TUBGCP6: variants seen among roughly 807,000 people sequenced by gnomAD.
TUBGCP6 encodes the protein gamma-tubulin complex component 6.
A neutral mutation model predicts 175.8 loss-of-function variants in TUBGCP6; 161 were observed. The observed-to-expected ratio is 0.92, with a 90% CI of 0.81 to 1.04. The LOEUF is 1.04. Ranked by LOEUF, TUBGCP6 falls within the 50% of genes least tolerant of loss-of-function variation. The pLI, the probability that TUBGCP6 is intolerant of heterozygous loss-of-function variation, is 0.00. For missense variants in TUBGCP6, 2,572 were observed against 2,433.0 expected (o/e 1.06, Z -1.20); for synonymous variants, 1,173 against 1,030.5 (o/e 1.14, Z -2.65).
intron 2 of TUBGCP6, among the ~76,000 whole-genome samples, chr22:50,239,674 C>T (rs1445580487): frequency 2.0e-5 from 3 of 152,208 alleles, no homozygotes; most frequent in Non-Finnish European, 4.4e-5. Flanking sequence ...ACCCAGACTG[C>T]CCCTCCCAAC....
chr22:50,218,227 C>T lies in TUBGCP6; in HGVS notation c.5130G>A (p.Gln1710=). The T allele has an allele frequency of 6.2e-7, 1 of 1,612,842 alleles. No homozygotes were observed. Among genetic ancestry groups the T allele is most frequent in the Non-Finnish European group, 8.5e-7 (1 of 1,179,906 alleles). ...TGTGCAGGTACTCTGCGTGCGCACG[C>T]TGGATCTCCTCCAGGTCGCCCACGG... The part of the protein sequence containing the change: ...LATVGDLEEI[Q]RAHAEYLHKA... Residue 1710 remains glutamine, a synonymous_variant, in exon 23 of 25, where the codon CAG becomes CAA. Coordinates refer to ENST00000248846, the MANE Select transcript of TUBGCP6 (RefSeq NM_020461.4).
Position 50,226,050 on chromosome 22 carries a change from C to G in TUBGCP6, c.1833G>C (p.Arg611=), listed in dbSNP as rs772455928. The stretch of plus-strand genomic sequence containing the variant: ...TCCCCACACATGAGCCCCTCCTCAC[C>G]CGGGGGCAGCAGAGCTTCAGCAGGT... The part of the protein sequence containing the change: ...TINLLKLCCP[R]HYLCWSDVPV... The change falls in exon 9 of 25, where the codon CGG becomes CGC. Residue 611 remains arginine, a splice_region_variant and synonymous_variant. Coordinates refer to ENST00000248846, the MANE Select transcript of TUBGCP6 (RefSeq NM_020461.4). 6.2e-7 allele frequency: 1 copy of G among 1,614,124 alleles called. No homozygotes were observed. Among genetic ancestry groups the G allele is most frequent in the Non-Finnish European group, 8.5e-7 (1 of 1,180,016 alleles).
chr22:50,239,756 G>A (rs761993119), intron 2 of TUBGCP6, among the ~76,000 whole-genome samples: 2 of 152,152 alleles, frequency 1.3e-5, no homozygotes, highest in Non-Finnish European at 2.9e-5. Context: ...AATGGAAAAG[G>A]CTCCTTCATC....
Position 50,226,285 on chromosome 22 carries a change from A to T in TUBGCP6, c.1693+2T>A. 1 of 1,613,856 alleles carries T rather than the reference A, an allele frequency of 6.2e-7. No individual in the cohort carries two copies. Among genetic ancestry groups the T allele is most frequent in the Non-Finnish European group, 8.5e-7 (1 of 1,179,958 alleles). Reference sequence around the variant, plus strand: ...CCTGCCCCGCAATCAGCTGCCACCTACCTCGGAAGCTGAGGTACTCGTGGT... The same window carrying T: ...CCTGCCCCGCAATCAGCTGCCACCTTCCTCGGAAGCTGAGGTACTCGTGGT... On this transcript the variant is annotated splice_donor_variant, in intron 8 of 24. Transcript: ENST00000248846. LOFTEE classifies it high-confidence loss of function.
chr22:50,221,753 AGGGGCTGT>A lies in TUBGCP6; in HGVS notation c.2598_2605del (p.Gln867Ter). On this transcript the variant is annotated frameshift_variant, in exon 16 of 25. Coordinates refer to ENST00000248846, the MANE Select transcript of TUBGCP6 (RefSeq NM_020461.4). LOFTEE classifies it high-confidence loss of function. Reference sequence around the variant, plus strand: ...ACCAGCCCCCACTGCTAGAGGCTTAAGGGGCTGTGGGGTCAGCAGGCCTGGCCTGTTCC... The same window carrying A: ...ACCAGCCCCCACTGCTAGAGGCTTAAGGGGTCAGCAGGCCTGGCCTGTTCC... The A allele has an allele frequency of 6.6e-7, 1 of 1,516,036 alleles. No homozygotes were observed. Among genetic ancestry groups the A allele is most frequent in the Non-Finnish European group, 8.8e-7 (1 of 1,133,112 alleles). The allele number at this position is 1,516,036 out of a possible 1,614,324, so 93.9% of individuals were successfully genotyped here.
chr22:50,226,238 C>G, intron 8 of TUBGCP6, 49 bp from the exon 9 acceptor site: 2 of 1,614,006 alleles, frequency 1.2e-6, no homozygotes, highest in Non-Finnish European at 1.7e-6. Flanking sequence ...TGGCCCTGAA[C>G]CCAGGCCCAC....
At chr22:50,238,773 G>A (rs138212214) in intron 2 of TUBGCP6, among the ~76,000 whole-genome samples, 1,826 of 152,146 alleles carry the variant, frequency 0.012, 33 homozygotes, top group African/African-American at 0.041. Context: ...TCCTGACCTC[G>A]TGATCCACCC....
Position 50,223,861 on chromosome 22 carries a change from G to C in TUBGCP6, c.2270+280C>G, listed in dbSNP as rs146869052. The C allele has an allele frequency of 4.3e-3, 1,277 of 299,984 alleles. 15 individuals are homozygous for C. Among genetic ancestry groups the C allele is most frequent in the African/African-American group, 0.026 (1,198 of 45,962 alleles). The allele number at this position is 299,984 out of a possible 1,614,324, so 18.6% of individuals were successfully genotyped here. Reference sequence around the variant, plus strand: ...AAAAATAAATAAGGAAGGATGTTCAGAAAGAAGATAAATAAAGAGACAGGA... The same window carrying C: ...AAAAATAAATAAGGAAGGATGTTCACAAAGAAGATAAATAAAGAGACAGGA... On this transcript the variant is annotated intron_variant, in intron 13 of 24. Coordinates refer to ENST00000248846, the MANE Select transcript of TUBGCP6 (RefSeq NM_020461.4).
Position 50,244,332 on chromosome 22 carries a change from T to A in TUBGCP6, c.128A>T (p.Asn43Ile), listed in dbSNP as rs371868625. The A allele has an allele frequency of 4.3e-6, 7 of 1,613,434 alleles. No individual in the cohort carries two copies. The South Asian group carries it at 7.7e-5, about 18-fold the overall frequency. Residue 43 changes from asparagine (N) to isoleucine (I), a missense_variant, in exon 1 of 25, where the codon AAT becomes ATT. Transcript: ENST00000248846. The stretch of plus-strand genomic sequence containing the variant: ...TTGAAAAAGATTTGTGAAAAGAGCA[T>A]TGTAGGCCACCTTCTTGAGGCTCCG... ...AKRSLKKVAY[N>I]ALFTNLFQDE...
chr22:50,221,368 G>A lies in TUBGCP6; in HGVS notation c.2991C>T (p.Ser997=), dbSNP rs143388326. The part of the protein sequence containing the change: ...DSCGKMDACG[S]ASRETLLPSH... ...AGGGGAGCAGAGTCTCCCGCGAGGC[G>A]GAGCCACAGGCATCCATCTTCCCAC... The change falls in exon 16 of 25, where the codon TCC becomes TCT. Residue 997 remains serine (S), a synonymous_variant. Coordinates refer to ENST00000248846, the MANE Select transcript of TUBGCP6 (RefSeq NM_020461.4). 3,990 of 1,610,560 alleles carry A rather than the reference G, an allele frequency of 2.5e-3. 8 individuals are homozygous for A. The highest frequency in any genetic ancestry group is 3.2e-3 in the Non-Finnish European group (3,794 of 1,179,794).
At position 50,219,079 on chromosome 22, in the gene TUBGCP6, G is replaced by GCAGGTCGCTGAGGGACTGGGC; in HGVS notation, c.4594_4614dup (p.Ala1532_Leu1538dup). ...TGTCCGGAGGCCACCTTCTCAAAGA[G>GCAGGTCGCTGAGGGACTGGGC]CAGGTCGCTGAGGGACTGGGCGAAC... is the stretch of plus-strand genomic sequence containing the variant. On this transcript the variant is annotated inframe_insertion, in exon 20 of 25. Transcript: ENST00000248846. 6.2e-7 allele frequency: 1 copy of GCAGGTCGCTGAGGGACTGGGC among 1,612,390 alleles called. No individual in the cohort carries two copies. Among genetic ancestry groups the GCAGGTCGCTGAGGGACTGGGC allele is most frequent in the South Asian group, 1.1e-5 (1 of 91,002 alleles).
At position 50,219,410 on chromosome 22, in the gene TUBGCP6, G is replaced by C; in HGVS notation, c.4362C>G (p.Ala1454=). The C allele has an allele frequency of 1.3e-6, 2 of 1,571,268 alleles. No individual in the cohort carries two copies. The highest frequency in any genetic ancestry group is 1.7e-6 in the Non-Finnish European group (2 of 1,159,042). The part of the protein sequence containing the change: ...AHLLRPVLPR[A]FAFPVDPQVQ... ...CCTGGGGGTCCACGGGGAAGGCGAAGGCCCGGGGAAGCACGGGGCGCAAAA... is the reference window on the plus strand; with the variant it reads ...CCTGGGGGTCCACGGGGAAGGCGAACGCCCGGGGAAGCACGGGGCGCAAAA... Residue 1454 remains alanine (A), a synonymous_variant, in exon 19 of 25, where the codon GCC becomes GCG. Coordinates refer to ENST00000248846, the MANE Select transcript of TUBGCP6 (RefSeq NM_020461.4).
At position 50,233,332 on chromosome 22, in the gene TUBGCP6, G is replaced by A. The variant is rs750083119; in HGVS notation, c.1100C>T (p.Thr367Met). ...AGTTCTCACCTGGCAGAGCGAAAACGTGGCAGACACGACCCCAATCAAGAC... is the reference window on the plus strand; with the variant it reads ...AGTTCTCACCTGGCAGAGCGAAAACATGGCAGACACGACCCCAATCAAGAC... Reference protein sequence around the residue: ...LNVLIGVVSATFSLCQPAQAF... With the variant: ...LNVLIGVVSAMFSLCQPAQAF... The change falls in exon 3 of 25, where the codon ACG (threonine) becomes ATG (methionine). Residue 367 changes from threonine (T) to methionine (M), a missense_variant. Physicochemically the swap from Thr to Met is moderately conservative, Grantham distance 81. Transcript: ENST00000248846. The A allele has an allele frequency of 1.3e-5, 21 of 1,613,418 alleles. No individual in the cohort carries two copies. In the Middle Eastern group the frequency reaches 4.9e-4, roughly 38 times the overall value.
chr22:50,238,782 C>A (rs922542371), intron 2 of TUBGCP6, among the ~76,000 whole-genome samples: 2 of 152,080 alleles, frequency 1.3e-5, no homozygotes, highest in Non-Finnish European at 2.9e-5. Flanking sequence ...CGTGATCCAC[C>A]CGCCTCAGCC....
rs370995678 is a variant in TUBGCP6 at position 50,229,562 on chromosome 22, C to T, written c.1132G>A (p.Val378Met). The change falls in exon 4 of 25, where the codon GTG becomes ATG. Residue 378 changes from valine (V) to methionine (M), a missense_variant. Val to Met is a conservative substitution (Grantham distance 21, BLOSUM62 1). Coordinates refer to ENST00000248846, the MANE Select transcript of TUBGCP6 (RefSeq NM_020461.4). The stretch of plus-strand genomic sequence containing the variant: ...GACACGTGGACGCCCCGCTTCACCA[C>T]AAAGGCCTGGGCCGGCTGCACAGGG... Reference protein sequence around the residue: ...FSLCQPAQAFVVKRGVHVSGA... With the variant: ...FSLCQPAQAFMVKRGVHVSGA... The T allele has an allele frequency of 2.5e-6, 4 of 1,595,406 alleles. No individual in the cohort carries two copies. In the South Asian group the frequency reaches 3.4e-5, roughly 14 times the overall value.
At chr22:50,226,431 G>T in intron 7 of TUBGCP6, 53 bp from the exon 8 acceptor site, 2 of 1,533,562 alleles carry the variant, frequency 1.3e-6, no homozygotes, top group South Asian at 2.4e-5. Context: ...GGTGGGTGGG[G>T]CGTGGCTGTC....
Position 50,221,665 on chromosome 22 carries a change from G to A in TUBGCP6, c.2694C>T (p.Asp898=). 6.6e-7 allele frequency: 1 copy of A among 1,521,728 alleles called. No homozygotes were observed. The highest frequency in any genetic ancestry group is 1.8e-4 in the Middle Eastern group (1 of 5,606). 94.3% of individuals were successfully genotyped at this position (1,521,728 alleles called of 1,614,324 possible). A position where few individuals can be genotyped will look rare whatever the true frequency, so the allele number is the denominator to read the frequency against. Residue 898 remains aspartate, a synonymous_variant, in exon 16 of 25, where the codon GAC becomes GAT. Coordinates refer to ENST00000248846, the MANE Select transcript of TUBGCP6 (RefSeq NM_020461.4). Reference sequence around the variant, plus strand: ...CAGCCCCTGGGCCCACAGGTAGGAAGTCTCCAATGCTGAGGCTGTCAGAGA... The same window carrying A: ...CAGCCCCTGGGCCCACAGGTAGGAAATCTCCAATGCTGAGGCTGTCAGAGA... ...RPFSDSLSIG[D]FLPVGPGAEP...
Position 50,220,272 on chromosome 22 carries a change from C to T in TUBGCP6, c.4087G>A (p.Asp1363Asn). The T allele has an allele frequency of 1.3e-6, 2 of 1,567,148 alleles. No homozygotes were observed. Among genetic ancestry groups the T allele is most frequent in the South Asian group, 2.4e-5 (2 of 84,230 alleles). ...TGACCTAGTTCTTCAGAGACACTGT[C>T]TCCCGGGGTGTTGGGCCACCATGGT... The part of the protein sequence containing the change: ...TQPWWPNTPG[D>N]SVSEELGPGR... Residue 1363 changes from aspartate (D) to asparagine (N), a missense_variant, in exon 16 of 25, where the codon GAC (aspartate) becomes AAC (asparagine). Transcript: ENST00000248846.
intron 3 of TUBGCP6, among the ~76,000 whole-genome samples, chr22:50,232,548 C>A (rs2064707459): frequency 6.6e-6 from 1 of 151,344 alleles, no homozygotes; most frequent in Non-Finnish European, 1.5e-5. Flanking sequence ...AAGAGAGAGA[C>A]CCTGTCTCAA....
Sources: allele counts gnomAD v4.1 joint callset (sites outside exome capture counted in the v4.1 genomes callset), GRCh38; gene constraint gnomAD v4.1.1; transcripts MANE v1.5; gene names NCBI Gene and HGNC (gene_info 2026-07-23, HGNC 2026-07-21).